The following KCNN2 variants were observed in gnomAD, a reference collection of about 807,000 sequenced individuals.
KCNN2 encodes small conductance calcium-activated potassium channel protein 2.
A neutral mutation model predicts 55.5 loss-of-function variants in KCNN2; 24 were observed. The ratio of observed to expected loss-of-function variants is 0.43; its 90% CI spans 0.31 to 0.61. The LOEUF (loss-of-function observed/expected upper bound fraction) is 0.61, where lower values mean the gene tolerates loss of function less well. KCNN2 is among the 20% of genes least tolerant of loss of function. The probability of loss-of-function intolerance (pLI) is 0.08; values close to 1 mark genes in which losing one functional copy is unlikely to be tolerated. For synonymous variants in KCNN2, 431 were observed against 336.1 expected, an observed-to-expected ratio of 1.28 and a Z score of -3.09; for missense variants, 754 against 853.6, an observed-to-expected ratio of 0.88 and a Z score of 1.45.
chr5:114,152,361 T>C (rs921152394), intron 1 of KCNN2, among the ~76,000 whole-genome samples: 1 of 152,246 alleles, frequency 6.6e-6, no homozygotes, highest in Middle Eastern at 3.2e-3. Flanking sequence ...AATACTTGTT[T>C]GGATATTTTC....
intron 2 of KCNN2, among the ~76,000 whole-genome samples, chr5:114,229,814 G>C (rs960183808): frequency 4.0e-4 from 61 of 152,202 alleles, no homozygotes; most frequent in Middle Eastern, 3.4e-3. Context: ...TGGTGAAAAT[G>C]GGACAAAGAG....
At chr5:114,449,902 A>ACG (rs749161417) in intron 3 of KCNN2, among the ~76,000 whole-genome samples, 75 of 80,512 alleles carry the variant, frequency 9.3e-4, no homozygotes, top group African/African-American at 2.7e-3. Flanking sequence ...ACACACACAC[A>ACG]CACACACGCG....
chr5:114,426,295 T>A (rs1759622674), intron 3 of KCNN2, among the ~76,000 whole-genome samples: 1 of 152,250 alleles, frequency 6.6e-6, no homozygotes. Flanking sequence ...AAGATGCTTA[T>A]ATGTTTTTCA....
At chr5:114,194,800 G>A (rs918241710) in intron 1 of KCNN2, among the ~76,000 whole-genome samples, 3 of 151,402 alleles carry the variant, frequency 2.0e-5, no homozygotes, top group African/African-American at 7.3e-5. Context: ...TCTTCTAAGA[G>A]TTTTATAATT....
intron 5 of KCNN2, among the ~76,000 whole-genome samples, chr5:114,478,358 T>C (rs558466659): frequency 2.6e-5 from 4 of 151,790 alleles, no homozygotes; most frequent in African/African-American, 9.7e-5. Context: ...AAAGAATGAA[T>C]GAAAAAGAGT....
intron 1 of KCNN2, among the ~76,000 whole-genome samples, chr5:114,121,775 A>T (rs1751834715): frequency 6.6e-6 from 1 of 152,110 alleles, no homozygotes; most frequent in Admixed American, 6.5e-5. Context: ...ACTTGGTCTT[A>T]AGGTATGTTG....
intron 5 of KCNN2, among the ~76,000 whole-genome samples, chr5:114,476,703 G>A (rs1022473547): frequency 6.6e-6 from 1 of 152,050 alleles, no homozygotes; most frequent in African/African-American, 2.4e-5. Context: ...TTACAGGCGT[G>A]AGCCACCGCA....
chr5:114,104,918 AGTT>A (rs1365731392), intron 1 of KCNN2, among the ~76,000 whole-genome samples: 1 of 151,990 alleles, frequency 6.6e-6, no homozygotes, highest in Non-Finnish European at 1.5e-5. Flanking sequence ...GAGTAGAAAT[AGTT>A]GTGTCGCAGG....
chr5:114,446,536 C>T (rs1760415103), intron 3 of KCNN2, among the ~76,000 whole-genome samples: 1 of 152,112 alleles, frequency 6.6e-6, no homozygotes, highest in Admixed American at 6.5e-5. Context: ...CAGCTCCCTG[C>T]CACCTCCGTC....
At position 114,362,713 on chromosome 5, in the gene KCNN2, G is replaced by C; in HGVS notation, c.574G>C (p.Ala192Pro). The part of the protein sequence containing the change: ...LSHHHHHPHP[A>P]HHQHHQPQAR... ...GCACCACCACCACCACCCGCACCCG[G>C]CGCACCACCAGCACCACCAGCCCCA... Residue 192 changes from alanine to proline, a missense_variant, in exon 1 of 8, where the codon GCG (alanine) becomes CCG (proline). Physicochemically the swap from Ala to Pro is conservative, Grantham distance 27. Transcript: ENST00000673685. The C allele has an allele frequency of 6.7e-7, 1 of 1,500,946 alleles. No individual in the cohort carries two copies. The highest frequency in any genetic ancestry group is 8.8e-7 in the Non-Finnish European group (1 of 1,134,082). The allele number at this position is 1,500,946 out of a possible 1,614,324, so 93.0% of individuals were successfully genotyped here.
intron 1 of KCNN2, among the ~76,000 whole-genome samples, chr5:114,158,052 C>G (rs189896973): frequency 3.3e-5 from 5 of 152,124 alleles, no homozygotes; most frequent in South Asian, 4.1e-4. Flanking sequence ...CTTTGCTTTT[C>G]GTGTTTTAGA....
rs774628983 is a variant in KCNN2 at position 114,398,208 on chromosome 5, T to C, written c.1219-6230T>C. Among the ~76,000 whole-genome samples, 68 of 152,314 alleles carry C rather than the reference T, an allele frequency of 4.5e-4. 1 individual carries two copies. Among genetic ancestry groups the C allele is most frequent in the Middle Eastern group, 6.8e-3 (2 of 294 alleles). On this transcript the variant is annotated intron_variant, in intron 2 of 7. Coordinates refer to ENST00000673685, the MANE Select transcript of KCNN2 (RefSeq NM_021614.4). ...CCCATTTAGAATTGATTTTTGTATA[T>C]TGTATAAAGAAGGAATCCAGTTTCA...
intron 1 of KCNN2, among the ~76,000 whole-genome samples, chr5:114,206,210 C>A (rs1753765123): frequency 1.3e-5 from 2 of 152,262 alleles, no homozygotes; most frequent in South Asian, 4.1e-4. Context: ...TATTTGCTAG[C>A]CTGGCTAACC....
At chr5:114,261,684 C>T (rs1463894814) in intron 2 of KCNN2, among the ~76,000 whole-genome samples, 1 of 152,204 alleles carries the variant, frequency 6.6e-6, no homozygotes, top group African/African-American at 2.4e-5. Context: ...AGGCAGATAA[C>T]TCCACCTATG....
chr5:114,451,725 T>C (rs752292664), intron 3 of KCNN2, among the ~76,000 whole-genome samples: 2 of 151,866 alleles, frequency 1.3e-5, no homozygotes, highest in Non-Finnish European at 1.5e-5. Flanking sequence ...TGAAACCCCA[T>C]CTCTACTAAA....
At chr5:114,435,205 C>A (rs1255613238) in intron 3 of KCNN2, among the ~76,000 whole-genome samples, 1 of 150,894 alleles carries the variant, frequency 6.6e-6, no homozygotes, top group African/African-American at 2.4e-5. Context: ...CAGTCTCTAG[C>A]AATTAGTCAA....
intron 1 of KCNN2, among the ~76,000 whole-genome samples, chr5:114,152,747 G>T (rs1236090731): frequency 2.6e-5 from 4 of 152,160 alleles, no homozygotes; most frequent in African/African-American, 7.2e-5. Flanking sequence ...AGATCTAAAG[G>T]ATGAGTAGGA....
intron 7 of KCNN2, 87 bp from the exon 8 acceptor site, chr5:114,495,808 C>A: frequency 7.7e-7 from 1 of 1,299,952 alleles, no homozygotes; most frequent in Non-Finnish European, 1.1e-6. Context: ...ATGCCACCAG[C>A]AAGAGACCAG....
At chr5:114,142,113 C>T (rs150469118) in intron 1 of KCNN2, among the ~76,000 whole-genome samples, 19,673 of 151,982 alleles carry the variant, frequency 0.13, 1,664 homozygotes, top group African/African-American at 0.24. Flanking sequence ...TTTCTTTTGC[C>T]GTGCAGAAGC....
Sources: gnomAD v4.1 joint callset for allele counts (sites outside exome capture counted in the v4.1 genomes callset) on GRCh38, gnomAD v4.1.1 for gene constraint, MANE v1.5 for transcripts, NCBI Gene and HGNC (gene_info 2026-07-23, HGNC 2026-07-21) for gene names.